SLC16A3: variants seen among roughly 807,000 people sequenced by gnomAD.
SLC16A3 encodes the protein monocarboxylate transporter 4.
SLC16A3 carries 22 observed loss-of-function variants against 25.0 expected under a neutral mutation model. That is an observed-to-expected ratio of 0.88 (90% CI 0.63 to 1.26). The LOEUF (loss-of-function observed/expected upper bound fraction) is 1.26, where lower values mean the gene tolerates loss of function less well. Among genes scored for constraint, SLC16A3 ranks in the 50% most tolerant of loss-of-function variants. The pLI, the probability that SLC16A3 is intolerant of heterozygous loss-of-function variation, is 0.00. For synonymous variants in SLC16A3, 390 were observed against 309.2 expected (o/e 1.26, Z -2.74); for missense variants, 731 against 666.6 (o/e 1.10, Z -1.06).
chr17:82,235,079 A>C (rs1011262002), intron 1 of SLC16A3: 2 of 152,314 alleles, frequency 1.3e-5, no homozygotes, highest in East Asian at 1.9e-4. Context: ...AACTTGACTC[A>C]AACGAGCTGA....
At chr17:82,226,032 G>A (rs1349723558), upstream of SLC16A3, among the ~76,000 whole-genome samples, 1 of 151,768 alleles carries the variant, frequency 6.6e-6, no homozygotes, top group East Asian at 1.9e-4. Flanking sequence ...GGTTGCTCTT[G>A]GAAAAGGTGG....
At chr17:82,237,915 A>T (rs142491119) in intron 4 of SLC16A3, 22 bp downstream of exon 4, 3 of 1,590,882 alleles carry the variant, frequency 1.9e-6, no homozygotes, top group Non-Finnish European at 8.5e-7. Context: ...GCCCCCAGGC[A>T]GTTCCCCACA....
In SLC16A3 at chr17:82,236,231, G is replaced by C; in HGVS notation, c.223G>C (p.Gly75Arg). 2 of 1,612,482 alleles carry C rather than the reference G, an allele frequency of 1.2e-6. No individual in the cohort carries two copies. The highest frequency in any genetic ancestry group is 1.7e-6 in the Non-Finnish European group (2 of 1,179,700). The change falls in exon 2 of 5, where the codon GGT becomes CGT. Residue 75 changes from glycine to arginine, a missense_variant and splice_region_variant. Coordinates refer to ENST00000582743, the MANE Select transcript of SLC16A3 (RefSeq NM_004207.4). ...SILLAMLYGT[G>R]PLCSVCVNRF... is the part of the protein sequence containing the mutation. ...CCTGCTGGCCATGCTCTACGGGACA[G>C]GTGAGGGTGGCCTCACACCGGGCCC...
upstream of SLC16A3, among the ~76,000 whole-genome samples, chr17:82,225,236 C>T (rs1031315570): frequency 5.3e-5 from 8 of 152,072 alleles, no homozygotes; most frequent in Admixed American, 3.3e-4. Flanking sequence ...CACTCCAGCC[C>T]GGTGACAGAG....
intron 1 of SLC16A3, chr17:82,234,419 GGT>G (rs2050561904): frequency 6.6e-6 from 1 of 152,308 alleles, no homozygotes; most frequent in African/African-American, 2.4e-5. Flanking sequence ...CAGGTTGGGG[GGT>G]GGACCTCTGG....
At chr17:82,234,077 T>C (rs1004756756) in intron 1 of SLC16A3, 2 of 152,218 alleles carry the variant, frequency 1.3e-5, no homozygotes, top group Non-Finnish European at 2.9e-5. Context: ...CCTGACCTCG[T>C]GATCCGCCCG....
At chr17:82,224,616 C>A (rs1337352842), upstream of SLC16A3, among the ~76,000 whole-genome samples, 1 of 95,626 alleles carries the variant, frequency 1.0e-5, no homozygotes, top group Non-Finnish European at 2.1e-5. Context: ...GCAGACACAC[C>A]CCTACACCTG....
At chr17:82,220,497 A>G (rs917477105) in intron 1 of SLC16A3, among the ~76,000 whole-genome samples, 2 of 152,220 alleles carry the variant, frequency 1.3e-5, no homozygotes, top group Non-Finnish European at 2.9e-5. Flanking sequence ...CCGGCCAGGC[A>G]TGGTGGCTTA....
At chr17:82,223,997 C>T (rs546736961), upstream of SLC16A3, among the ~76,000 whole-genome samples, 5 of 151,136 alleles carry the variant, frequency 3.3e-5, no homozygotes, top group South Asian at 2.1e-4. Flanking sequence ...CCTGTGCAGA[C>T]GCACCCCTAC....
intron 2 of SLC16A3, 53 bp downstream of exon 2, chr17:82,236,284 T>C: frequency 6.5e-7 from 1 of 1,529,364 alleles, no homozygotes. Flanking sequence ...TGGCGGATCC[T>C]GCTGGGCGCG....
At chr17:82,227,774 G>A (rs1035492716), upstream of SLC16A3, among the ~76,000 whole-genome samples, 4 of 152,110 alleles carry the variant, frequency 2.6e-5, no homozygotes, top group South Asian at 2.1e-4. Context: ...TCACAGGCAC[G>A]TGCCCTCATC....
intron 3 of SLC16A3, 117 bp from the exon 4 acceptor site, chr17:82,237,021 G>A (rs995858429): frequency 6.9e-7 from 1 of 1,451,494 alleles, no homozygotes; most frequent in Non-Finnish European, 9.2e-7. Context: ...CGAGTGGGTG[G>A]GTGGCAGGGG....
rs1392864443 is a variant in SLC16A3 at position 82,238,767 on chromosome 17, A to G, written c.1189A>G (p.Thr397Ala). The change falls in exon 5 of 5, where the codon ACC becomes GCC. Residue 397 changes from threonine (T) to alanine (A), a missense_variant. By Grantham distance (58) the Thr-to-Ala change is moderately conservative. Transcript: ENST00000582743. ...CATCCTGGCGGGGGCCGAGGTGCTC[A>G]CCTCCTCCCTGATTTTGCTGCTGGG... ...VFILAGAEVL[T>A]SSLILLLGNF... 3.1e-6 allele frequency: 5 copies of G among 1,612,566 alleles called. No homozygotes were observed. The highest frequency in any genetic ancestry group is 4.2e-6 in the Non-Finnish European group (5 of 1,179,904).
upstream of SLC16A3, among the ~76,000 whole-genome samples, chr17:82,224,862 A>C (rs1368846680): frequency 6.6e-6 from 1 of 152,118 alleles, no homozygotes; most frequent in Non-Finnish European, 1.5e-5. Flanking sequence ...ATCACACCCA[A>C]ACCCCATGAC....
Position 82,238,778 on chromosome 17 carries a change from G to A in SLC16A3, c.1200G>A (p.Leu400=). The change falls in exon 5 of 5, where the codon CTG becomes CTA. Residue 400 remains leucine, a synonymous_variant. Transcript: ENST00000582743. ...GGGCCGAGGTGCTCACCTCCTCCCT[G>A]ATTTTGCTGCTGGGCAACTTCTTCT... The part of the protein sequence containing the change: ...LAGAEVLTSS[L]ILLLGNFFCI... The A allele has an allele frequency of 6.2e-7, 1 of 1,612,810 alleles. No individual in the cohort carries two copies. Among genetic ancestry groups the A allele is most frequent in the Non-Finnish European group, 8.5e-7 (1 of 1,179,964 alleles).
At chr17:82,231,772 A>C (rs897863593) in intron 1 of SLC16A3, 3 of 152,258 alleles carry the variant, frequency 2.0e-5, no homozygotes, top group African/African-American at 7.2e-5. Context: ...GCCAATCCGC[A>C]AATGAGGCCT....
At chr17:82,238,199 G>A (rs936103216) in intron 4 of SLC16A3, among the ~76,000 whole-genome samples, 2 of 152,212 alleles carry the variant, frequency 1.3e-5, no homozygotes, top group Admixed American at 6.5e-5. Flanking sequence ...CCCAACAGCC[G>A]GCTTTTGCAT....
chr17:82,222,826 ATGAAGCAC>A (rs2050397800), intron 1 of SLC16A3, among the ~76,000 whole-genome samples: 1 of 150,116 alleles, frequency 6.7e-6, no homozygotes, highest in Admixed American at 6.6e-5. Flanking sequence ...AAAAAAAGGA[ATGAAGCAC>A]TGATAGACCC....
rs1387556034 is a variant in SLC16A3, at chr17:82,236,068, G to T, written c.60G>T (p.Trp20Cys). 2 of 1,612,700 alleles carry T rather than the reference G, an allele frequency of 1.2e-6. No homozygotes were observed. Among genetic ancestry groups the T allele is most frequent in the Middle Eastern group, 1.6e-4 (1 of 6,084 alleles). ...GCGTCAAGGCCCCTGACGGCGGCTG[G>T]GGCTGGGCCGTGCTCTTCGGCTGTT... ...PTGVKAPDGG[W>C]GWAVLFGCFV... The change falls in exon 2 of 5, where the codon TGG becomes TGT. Residue 20 changes from tryptophan to cysteine, a missense_variant. Trp to Cys is a radical substitution (Grantham distance 215, BLOSUM62 -2). Transcript: ENST00000582743.
Sources: gnomAD v4.1 joint callset for allele counts (sites outside exome capture counted in the v4.1 genomes callset) on GRCh38, gnomAD v4.1.1 for gene constraint, MANE v1.5 for transcripts, NCBI Gene and HGNC (gene_info 2026-07-23, HGNC 2026-07-21) for gene names.